The following ADCY9 variants were observed in gnomAD, a reference collection of about 807,000 sequenced individuals.
ADCY9 encodes adenylate cyclase type 9.
Under a neutral mutation model 101.5 loss-of-function variants are expected in ADCY9, and 50 were observed. That is an observed-to-expected ratio of 0.49 (90% CI 0.39 to 0.62). The LOEUF (loss-of-function observed/expected upper bound fraction) is 0.62, where lower values mean the gene tolerates loss of function less well. ADCY9 is among the 20% of genes least tolerant of loss of function. The pLI, the probability that ADCY9 is intolerant of heterozygous loss-of-function variation, is 0.00. For missense variants in ADCY9, 1,662 were observed against 1,800.4 expected, an observed-to-expected ratio of 0.92 and a Z score of 1.39; for synonymous variants, 905 against 769.3, an observed-to-expected ratio of 1.18 and a Z score of -2.92.
intron 3 of ADCY9, among the ~76,000 whole-genome samples, chr16:3,994,781 T>C (rs1393385448): frequency 1.3e-5 from 2 of 152,150 alleles, no homozygotes; most frequent in Non-Finnish European, 2.9e-5. Flanking sequence ...TTATAGTATG[T>C]GAATTATATC....
intron 2 of ADCY9, among the ~76,000 whole-genome samples, chr16:4,054,727 T>C (rs771240557): frequency 9.0e-4 from 137 of 152,190 alleles, no homozygotes; most frequent in African/African-American, 3.1e-3. Context: ...CCCGCCACCA[T>C]GCCCGGCTAA....
rs969206888 is a variant in ADCY9 at position 4,114,548 on chromosome 16, A to C, written c.895T>G (p.Phe299Val). ...CTGGACCTCACCTGGGACATGACGAACAGGTGGACCCCGATGGCGTGGATG... is the reference window on the plus strand; with the variant it reads ...CTGGACCTCACCTGGGACATGACGACCAGGTGGACCCCGATGGCGTGGATG... ...GCIHAIGVHL[F>V]VMSQVRSRST... The change falls in exon 2 of 11, where the codon TTC (phenylalanine) becomes GTC (valine). Residue 299 changes from phenylalanine (F) to valine (V), a missense_variant. Coordinates refer to ENST00000294016, the MANE Select transcript of ADCY9 (RefSeq NM_001116.4). The surrounding 1 kb of genome is among the most constrained non-coding windows in gnomAD (Gnocchi z 4.3). The C allele has an allele frequency of 6.2e-7, 1 of 1,614,150 alleles. No homozygotes were observed. Among genetic ancestry groups the C allele is most frequent in the Non-Finnish European group, 8.5e-7 (1 of 1,180,020 alleles).
chr16:3,972,662 C>A (rs927793214), intron 10 of ADCY9, among the ~76,000 whole-genome samples: 8 of 152,174 alleles, frequency 5.3e-5, no homozygotes, highest in Non-Finnish European at 1.2e-4. Context: ...AAATAGAAAG[C>A]AAACATCACT....
chr16:4,085,643 G>C (rs1158821320), intron 2 of ADCY9, among the ~76,000 whole-genome samples: 5 of 152,068 alleles, frequency 3.3e-5, no homozygotes, highest in African/African-American at 1.2e-4. Flanking sequence ...GGACCTCGTC[G>C]AAGAGGGAGA....
At chr16:4,026,674 C>G (rs994763730) in intron 2 of ADCY9, among the ~76,000 whole-genome samples, 7 of 152,196 alleles carry the variant, frequency 4.6e-5, no homozygotes, top group Non-Finnish European at 1.0e-4. Flanking sequence ...AAGGAATGAA[C>G]TAGAGACCCA....
intron 3 of ADCY9, among the ~76,000 whole-genome samples, chr16:3,994,504 G>A (rs903836896): frequency 1.3e-5 from 2 of 152,306 alleles, no homozygotes; most frequent in East Asian, 3.9e-4. Flanking sequence ...CACCCAGGCT[G>A]GAGTACAGTG....
intron 2 of ADCY9, among the ~76,000 whole-genome samples, chr16:4,027,889 A>AG (rs1468514501): frequency 6.6e-6 from 1 of 151,976 alleles, no homozygotes; most frequent in Admixed American, 6.6e-5. Flanking sequence ...AAAAAAAAAA[A>AG]AAGAAAAAAA....
Position 4,054,427 on chromosome 16 carries a change from G to A in ADCY9, c.1694-46869C>T, listed in dbSNP as rs56094573. Among the ~76,000 whole-genome samples the A allele has an allele frequency of 2.6e-3, 402 of 152,198 alleles. 1 individual carries two copies. Among genetic ancestry groups the A allele is most frequent in the African/African-American group, 9.2e-3 (383 of 41,538 alleles). On this transcript the variant is annotated intron_variant, in intron 2 of 10. Transcript: ENST00000294016. ...AGAAACCAAGACTTCGCAGGGCTCG[G>A]TTCTGAAATGATTTTCACTCAAACC...
rs146685297 is a variant in ADCY9, at chr16:3,954,404, G to T, written c.568-888C>A. Among the ~76,000 whole-genome samples, 55 of 152,300 alleles carry T rather than the reference G, an allele frequency of 3.6e-4. 2 individuals are homozygous for T. In the East Asian group the frequency reaches 9.1e-3, roughly 25 times the overall value. On this transcript the variant is annotated intron_variant, in intron 5 of 5. Transcript: ENST00000576936. ...CTGAGAGCCTGGCGTGCTGCTGCTG[G>T]GCCAGCCCAGGAGCGAATGGATGAA...
At position 4,113,870 on chromosome 16, in the gene ADCY9, C is replaced by T. The variant is rs1242242611; in HGVS notation, c.1573G>A (p.Val525Met). The stretch of plus-strand genomic sequence containing the variant: ...TCAGAAATGTGAACTTTGCCGGCCA[C>T]TCCCAGCTGCTCCATGAGATTGGCC... ...NLANLMEQLG[V>M]AGKVHISEAT... Residue 525 changes from valine to methionine, a missense_variant, in exon 2 of 11, where the codon GTG becomes ATG. Physicochemically the swap from Val to Met is conservative, Grantham distance 21. Coordinates refer to ENST00000294016, the MANE Select transcript of ADCY9 (RefSeq NM_001116.4). 3 of 1,614,060 alleles carry T rather than the reference C, an allele frequency of 1.9e-6. No homozygotes were observed. The highest frequency in any genetic ancestry group is 2.5e-6 in the Non-Finnish European group (3 of 1,180,040).
chr16:4,023,088 C>T (rs1332742656), intron 2 of ADCY9, among the ~76,000 whole-genome samples: 1 of 152,210 alleles, frequency 6.6e-6, no homozygotes, highest in Non-Finnish European at 1.5e-5. Flanking sequence ...GAACAAAGTA[C>T]TGAAAGTGCT....
At chr16:4,093,106 G>T (rs1371348949) in intron 2 of ADCY9, among the ~76,000 whole-genome samples, 2 of 152,192 alleles carry the variant, frequency 1.3e-5, no homozygotes, top group Admixed American at 1.3e-4. Flanking sequence ...CCATTTTTAT[G>T]AAAGTGCTTT....
chr16:4,020,828 A>AC (rs2056471439), intron 2 of ADCY9, among the ~76,000 whole-genome samples: 1 of 151,682 alleles, frequency 6.6e-6, no homozygotes, highest in Non-Finnish European at 1.5e-5. Context: ...TCCGTCTCAA[A>AC]AAAAAAAAAA....
chr16:3,955,921 T>C (rs2141661315), intron 5 of ADCY9, among the ~76,000 whole-genome samples: 1 of 152,160 alleles, frequency 6.6e-6, no homozygotes, highest in South Asian at 2.1e-4. Flanking sequence ...TGGAGTGCAG[T>C]AGTGAGATCA....
intron 2 of ADCY9, among the ~76,000 whole-genome samples, chr16:4,105,552 CA>C (rs757588657): frequency 6.6e-6 from 1 of 151,594 alleles, no homozygotes; most frequent in Non-Finnish European, 1.5e-5. Flanking sequence ...TGGTGGCATG[CA>C]TCTGTAATCC....
intron 2 of ADCY9, among the ~76,000 whole-genome samples, chr16:4,108,936 C>T (rs1202050211): frequency 1.3e-5 from 2 of 151,696 alleles, no homozygotes; most frequent in Non-Finnish European, 2.9e-5. Context: ...AAACTCCTGA[C>T]CTCAGGTGAT....
rs117192237 is a variant in ADCY9 at position 4,106,601 on chromosome 16, A to G, written c.1693+7149T>C. On this transcript the variant is annotated intron_variant, in intron 2 of 10. Coordinates refer to ENST00000294016, the MANE Select transcript of ADCY9 (RefSeq NM_001116.4). Reference sequence around the variant, plus strand: ...CCCTAAGCTCAGCTAGTCCAGAGTCAGGAGGGGACCTGCAGAATTCTAATG... The same window carrying G: ...CCCTAAGCTCAGCTAGTCCAGAGTCGGGAGGGGACCTGCAGAATTCTAATG... Among the ~76,000 whole-genome samples, 1,008 of 152,338 alleles carry G rather than the reference A, an allele frequency of 6.6e-3. 9 individuals carry two copies. The highest frequency in any genetic ancestry group is 0.043 in the East Asian group (224 of 5,186).
intron 5 of ADCY9, among the ~76,000 whole-genome samples, chr16:3,957,010 C>T (rs976917283): frequency 6.6e-6 from 1 of 152,092 alleles, no homozygotes; most frequent in Non-Finnish European, 1.5e-5. Context: ...AAAAGAGCGA[C>T]GGAGGGAGAA....
chr16:4,014,972 C>T (rs889605218), intron 2 of ADCY9, among the ~76,000 whole-genome samples: 12 of 117,962 alleles, frequency 1.0e-4, no homozygotes, highest in East Asian at 7.7e-4. Flanking sequence ...GACAGAGTCT[C>T]GCTGTGTGGC....
Sources: allele counts gnomAD v4.1 joint callset (sites outside exome capture counted in the v4.1 genomes callset), GRCh38; gene constraint gnomAD v4.1.1; non-coding constraint Gnocchi (gnomAD v3.1); transcripts MANE v1.5; gene names NCBI Gene and HGNC (gene_info 2026-07-23, HGNC 2026-07-21).